The following CNTN3 variants were observed in gnomAD, a reference collection of about 807,000 sequenced individuals.
CNTN3 encodes contactin-3.
In CNTN3, 60 loss-of-function variants were observed where a neutral mutation model predicts 119.1. That is an observed-to-expected ratio of 0.50 (90% CI 0.41 to 0.62). The LOEUF (loss-of-function observed/expected upper bound fraction) is 0.62, where lower values mean the gene tolerates loss of function less well. CNTN3 is among the 20% of genes least tolerant of loss of function. The pLI is 0.00. For missense variants in CNTN3, 1,101 were observed against 1,242.4 expected (o/e 0.89, Z 1.71); for synonymous variants, 450 against 438.7 (o/e 1.03, Z -0.32).
chr3:74,361,602 C>A (rs2106771379), intron 11 of CNTN3, among the ~76,000 whole-genome samples: 1 of 152,270 alleles, frequency 6.6e-6, no homozygotes, highest in South Asian at 2.1e-4. Context: ...GATCAACATT[C>A]CTTCATCATT....
intron 13 of CNTN3, among the ~76,000 whole-genome samples, chr3:74,328,443 T>A (rs1209346553): frequency 6.6e-6 from 1 of 152,214 alleles, no homozygotes; most frequent in African/African-American, 2.4e-5. Flanking sequence ...AATATTTGCA[T>A]ATATTTTCCT....
At chr3:74,284,492 G>A (rs1359756727) in intron 20 of CNTN3, among the ~76,000 whole-genome samples, 2 of 152,132 alleles carry the variant, frequency 1.3e-5, no homozygotes, top group Admixed American at 1.3e-4. Flanking sequence ...GAGTAGTTAT[G>A]AGGATTAAAT....
At chr3:74,518,579 A>C (rs116123438) in intron 2 of CNTN3, among the ~76,000 whole-genome samples, 1,609 of 152,054 alleles carry the variant, frequency 0.011, 17 homozygotes, top group African/African-American at 0.037. Context: ...CTTTGAGATT[A>C]ACTGCAGTCC....
At chr3:74,589,637 G>A (rs1185168073) in intron 1 of CNTN3, among the ~76,000 whole-genome samples, 3 of 145,936 alleles carry the variant, frequency 2.1e-5, no homozygotes, top group Non-Finnish European at 4.5e-5. Flanking sequence ...AAATCATGCT[G>A]CTATAAAGAC....
intron 5 of CNTN3, among the ~76,000 whole-genome samples, chr3:74,408,996 C>T (rs1038426659): frequency 6.6e-6 from 1 of 152,076 alleles, no homozygotes; most frequent in Non-Finnish European, 1.5e-5. Context: ...GGCCAATGCA[C>T]TACACACAGC....
chr3:74,504,570 G>C (rs932791291), intron 2 of CNTN3, among the ~76,000 whole-genome samples: 5 of 152,172 alleles, frequency 3.3e-5, no homozygotes, highest in African/African-American at 4.8e-5. Flanking sequence ...TGCTTCCAAT[G>C]TCAGAGGAAG....
At chr3:74,526,711 A>C (rs1317233740) in intron 1 of CNTN3, among the ~76,000 whole-genome samples, 2 of 151,856 alleles carry the variant, frequency 1.3e-5, no homozygotes, top group Non-Finnish European at 2.9e-5. Flanking sequence ...CCATACCCAC[A>C]GTTCTGTGTT....
intron 1 of CNTN3, among the ~76,000 whole-genome samples, chr3:74,595,511 C>T (rs957759513): frequency 3.3e-5 from 5 of 151,958 alleles, no homozygotes; most frequent in African/African-American, 1.2e-4. Context: ...GGGCTTCATC[C>T]CTGGGATGCA....
intron 20 of CNTN3, among the ~76,000 whole-genome samples, chr3:74,269,931 T>C (rs950874244): frequency 2.0e-5 from 3 of 152,166 alleles, no homozygotes; most frequent in Non-Finnish European, 2.9e-5. Context: ...GTTCTAGAGA[T>C]CTATTGCACA....
intron 4 of CNTN3, among the ~76,000 whole-genome samples, chr3:74,436,814 T>C (rs1416705359): frequency 6.6e-6 from 1 of 152,186 alleles, no homozygotes; most frequent in Non-Finnish European, 1.5e-5. Flanking sequence ...GTTTCAGAAA[T>C]ATTTTTTAAA....
At chr3:74,301,374 T>C (rs751007251) in intron 16 of CNTN3, 24 bp downstream of exon 16, 4 of 1,607,970 alleles carry the variant, frequency 2.5e-6, no homozygotes, top group Middle Eastern at 1.7e-4. Context: ...TATTAATCCA[T>C]TACTCAGAAA....
At chr3:74,560,014 C>T (rs1661864239) in intron 1 of CNTN3, among the ~76,000 whole-genome samples, 1 of 152,180 alleles carries the variant, frequency 6.6e-6, no homozygotes, top group South Asian at 2.1e-4. Context: ...GGCAACTCAA[C>T]AGGCATGCTA....
At chr3:74,453,905 T>C (rs575680073) in intron 4 of CNTN3, among the ~76,000 whole-genome samples, 1 of 152,314 alleles carries the variant, frequency 6.6e-6, no homozygotes, top group Non-Finnish European at 1.5e-5. Flanking sequence ...TTCTTTTACA[T>C]TTGCTGAGGA....
At chr3:74,552,852 G>T (rs144446901) in intron 1 of CNTN3, among the ~76,000 whole-genome samples, 2 of 152,114 alleles carry the variant, frequency 1.3e-5, no homozygotes, top group African/African-American at 4.8e-5. Flanking sequence ...TGTGAAGAAG[G>T]TGCCTGCTTC....
intron 13 of CNTN3, among the ~76,000 whole-genome samples, chr3:74,330,209 A>G (rs1177279886): frequency 6.6e-6 from 1 of 152,098 alleles, no homozygotes; most frequent in Non-Finnish European, 1.5e-5. Flanking sequence ...TACAAAAATT[A>G]GCCGGACACG....
chr3:74,383,930 A>C (rs1355344119), intron 5 of CNTN3, among the ~76,000 whole-genome samples: 1 of 152,230 alleles, frequency 6.6e-6, no homozygotes, highest in Admixed American at 6.5e-5. Context: ...AATAAAAGCA[A>C]ATGTGTCCTA....
intron 4 of CNTN3, among the ~76,000 whole-genome samples, chr3:74,466,506 T>G (rs946247585): frequency 6.6e-6 from 1 of 152,150 alleles, no homozygotes; most frequent in African/African-American, 2.4e-5. Flanking sequence ...ACTGTTTTGG[T>G]GTTAGAAAAA....
chr3:74,609,549 G>A (rs1171471540), intron 1 of CNTN3, among the ~76,000 whole-genome samples: 1 of 152,166 alleles, frequency 6.6e-6, no homozygotes, highest in Non-Finnish European at 1.5e-5. Flanking sequence ...TTAGGAAACG[G>A]ATTGAGAGGA....
chr3:74,425,590 G>T (rs898094253), intron 4 of CNTN3, among the ~76,000 whole-genome samples: 2 of 151,948 alleles, frequency 1.3e-5, no homozygotes, highest in Non-Finnish European at 2.9e-5. Flanking sequence ...ATTCAAAAAA[G>T]GAAATGAAAT....
Sources: allele counts gnomAD v4.1 joint callset (sites outside exome capture counted in the v4.1 genomes callset), GRCh38; gene constraint gnomAD v4.1.1; transcripts MANE v1.5; gene names NCBI Gene and HGNC (gene_info 2026-07-23, HGNC 2026-07-21).